The following LRRC49 variants were observed in gnomAD, a reference collection of about 807,000 sequenced individuals.
LRRC49 encodes leucine rich repeat containing 49, also known as leucine-rich repeat-containing protein 49.
In LRRC49, 50 loss-of-function variants were observed where a neutral mutation model predicts 83.3. The observed-to-expected ratio is 0.60, with a 90% CI of 0.48 to 0.76. The LOEUF (loss-of-function observed/expected upper bound fraction) is 0.76. Among genes scored for constraint, LRRC49 ranks in the 30% least tolerant of loss-of-function variants. The probability of loss-of-function intolerance (pLI) is 0.00; values close to 1 mark genes in which losing one functional copy is unlikely to be tolerated. For missense variants in LRRC49, 704 were observed against 809.1 expected (o/e 0.87, Z 1.58); for synonymous variants, 286 against 283.3 (o/e 1.01, Z -0.10).
chr15:70,929,295 T>C (rs751451954), intron 7 of LRRC49, among the ~76,000 whole-genome samples: 1 of 152,228 alleles, frequency 6.6e-6, no homozygotes, highest in Non-Finnish European at 1.5e-5. Flanking sequence ...ATGAGTTACA[T>C]GAAGTTTTTA....
intron 1 of LRRC49, among the ~76,000 whole-genome samples, chr15:70,856,349 T>C (rs1245986730): frequency 2.0e-5 from 3 of 152,122 alleles, no homozygotes; most frequent in African/African-American, 4.8e-5. Flanking sequence ...GAATTTTGGA[T>C]CTAGAAAGAA....
At chr15:70,899,477 A>C (rs568077285) in intron 3 of LRRC49, among the ~76,000 whole-genome samples, 1 of 152,242 alleles carries the variant, frequency 6.6e-6, no homozygotes, top group African/African-American at 2.4e-5. Context: ...GCATGTGGTC[A>C]TGCCAGAAAA....
chr15:71,009,347 C>CG (rs1567096819), intron 12 of LRRC49, among the ~76,000 whole-genome samples: 1 of 151,844 alleles, frequency 6.6e-6, no homozygotes, highest in African/African-American at 2.4e-5. Flanking sequence ...AACTATCCTA[C>CG]GTAGTGTTTG....
rs2040010657 is a variant in LRRC49, at chr15:71,052,854, T to C, written c.*3242T>C. On this transcript the variant is annotated 3_prime_UTR_variant, in exon 16 of 16. Coordinates refer to ENST00000260382, the MANE Select transcript of LRRC49 (RefSeq NM_017691.5). ...AAGGATCTGGCATCTGGGAAGAATTTTGATGTCCATGGTCGTTCCTAATCC... is the reference window on the plus strand; with the variant it reads ...AAGGATCTGGCATCTGGGAAGAATTCTGATGTCCATGGTCGTTCCTAATCC... The C allele has an allele frequency of 6.6e-6, 1 of 152,184 alleles. No individual in the cohort carries two copies. Among genetic ancestry groups the C allele is most frequent in the African/African-American group, 2.4e-5 (1 of 41,454 alleles). The allele number at this position is 152,184 out of a possible 1,614,324, so 9.4% of individuals were successfully genotyped here.
At chr15:71,046,687 A>C (rs1204857545) in intron 15 of LRRC49, among the ~76,000 whole-genome samples, 1 of 152,092 alleles carries the variant, frequency 6.6e-6, no homozygotes, top group Admixed American at 6.6e-5. Context: ...TTGCTGTGCA[A>C]AAGCTCTTTA....
intron 1 of LRRC49, among the ~76,000 whole-genome samples, chr15:70,858,463 G>T (rs895020956): frequency 6.6e-6 from 1 of 152,176 alleles, no homozygotes; most frequent in Non-Finnish European, 1.5e-5. Context: ...AATTAGCCAG[G>T]CTTGGTGGCG....
In LRRC49 at chr15:70,892,958, T is replaced by C; in HGVS notation, c.48+16T>C. 6.2e-7 allele frequency: 1 copy of C among 1,614,026 alleles called. No homozygotes were observed. The highest frequency in any genetic ancestry group is 8.5e-7 in the Non-Finnish European group (1 of 1,179,842). ...TGCGAACAACGTAAGTTGGGCCTTC[T>C]ACTTTCTCTTTCTTCCCACTGGTAC... On this transcript the variant is annotated intron_variant, in intron 1 of 15. Transcript: ENST00000260382.
At chr15:71,023,057 G>T (rs972611823) in intron 14 of LRRC49, among the ~76,000 whole-genome samples, 1 of 152,094 alleles carries the variant, frequency 6.6e-6, no homozygotes, top group South Asian at 2.1e-4. Flanking sequence ...TAACCCACAG[G>T]TTAAAGATAA....
intron 1 of LRRC49, 91 bp downstream of exon 1, chr15:70,893,033 C>A: frequency 7.1e-7 from 1 of 1,411,976 alleles, no homozygotes; most frequent in Non-Finnish European, 1.0e-6. Flanking sequence ...ATTATTAGGA[C>A]CGGCACCGCT....
chr15:71,023,080 A>C (rs771021967), intron 14 of LRRC49, among the ~76,000 whole-genome samples: 1 of 152,220 alleles, frequency 6.6e-6, no homozygotes, highest in Non-Finnish European at 1.5e-5. Flanking sequence ...TCATAATAGA[A>C]ATCTGAAACT....
intron 1 of LRRC49, among the ~76,000 whole-genome samples, chr15:70,871,353 T>G (rs973811770): frequency 6.6e-6 from 1 of 152,200 alleles, no homozygotes; most frequent in Non-Finnish European, 1.5e-5. Context: ...GTCTACTTCT[T>G]TCTACACAGA....
Position 71,009,883 on chromosome 15 carries a change from A to G in LRRC49, c.1484A>G (p.Gln495Arg). 1.2e-6 allele frequency: 2 copies of G among 1,612,568 alleles called. No homozygotes were observed. The highest frequency in any genetic ancestry group is 2.7e-5 in the African/African-American group (2 of 74,992). The change falls in exon 13 of 16, where the codon CAG becomes CGG. Residue 495 changes from glutamine to arginine, a missense_variant. Coordinates refer to ENST00000260382, the MANE Select transcript of LRRC49 (RefSeq NM_017691.5). ...NALAQLRRIDQLTIDPQGNPV... is the reference protein window; with the variant it reads ...NALAQLRRIDRLTIDPQGNPV... ...CTAGCCCAACTCCGTCGTATTGACC[A>G]GTTGACAATTGATCCTCAAGGAAAT... is the stretch of plus-strand genomic sequence containing the variant.
chr15:70,984,007 G>A, intron 10 of LRRC49, 87 bp from the exon 11 acceptor site: 1 of 925,432 alleles, frequency 1.1e-6, no homozygotes, highest in Non-Finnish European at 1.7e-6. Flanking sequence ...AGTATTATAA[G>A]AAGGCACAAA....
intron 14 of LRRC49, among the ~76,000 whole-genome samples, chr15:71,021,166 T>C (rs1000833402): frequency 5.3e-5 from 8 of 152,222 alleles, no homozygotes; most frequent in African/African-American, 1.9e-4. Flanking sequence ...TGGACAAGTT[T>C]GATATAGATC....
Position 70,901,334 on chromosome 15 carries a change from T to TC in LRRC49, c.296+313dup, listed in dbSNP as rs1303884640. 3.9e-5 allele frequency among the ~76,000 whole-genome samples: 6 copies of TC among 152,286 alleles called. No individual in the cohort carries two copies. The East Asian group carries it at 1.2e-3, about 29-fold the overall frequency. On this transcript the variant is annotated intron_variant, in intron 4 of 15. Coordinates refer to ENST00000260382, the MANE Select transcript of LRRC49 (RefSeq NM_017691.5). ...CCACAGTATAATCCTCACATGAGCTTCCCAGGCCCTATCCAGTCTAGTTTC... is the reference window on the plus strand; with the variant it reads ...CCACAGTATAATCCTCACATGAGCTTCCCCAGGCCCTATCCAGTCTAGTTTC...
chr15:70,858,279 A>C (rs1322431257), intron 1 of LRRC49, among the ~76,000 whole-genome samples: 5 of 152,166 alleles, frequency 3.3e-5, no homozygotes, highest in African/African-American at 4.8e-5. Context: ...ATCTTTCTAT[A>C]GTTTCTTTTT....
intron 3 of LRRC49, chr15:70,900,353 G>T (rs115490380): frequency 2.9e-5 from 12 of 409,896 alleles, no homozygotes; most frequent in Non-Finnish European, 4.8e-5. Context: ...TCTACTAATA[G>T]TGGCTGAACT....
intron 1 of LRRC49, chr15:70,859,838 G>C: frequency 3.9e-6 from 3 of 765,134 alleles, no homozygotes; most frequent in Non-Finnish European, 7.3e-6. Context: ...TGAGTACCAG[G>C]AGCTGATGAA....
At chr15:70,968,277 G>A (rs551573716) in intron 9 of LRRC49, among the ~76,000 whole-genome samples, 2 of 152,020 alleles carry the variant, frequency 1.3e-5, no homozygotes, top group Non-Finnish European at 2.9e-5. Context: ...CAGAATGATG[G>A]TTTCCAGCTT....
Sources: allele counts gnomAD v4.1 joint callset (sites outside exome capture counted in the v4.1 genomes callset), GRCh38; gene constraint gnomAD v4.1.1; transcripts MANE v1.5; gene names NCBI Gene and HGNC (gene_info 2026-07-23, HGNC 2026-07-21).